The following LIN28B variants were observed in gnomAD, a reference collection of about 807,000 sequenced individuals.
LIN28B encodes the protein lin-28 RNA binding posttranscriptional regulator B.
A neutral mutation model predicts 21.9 loss-of-function variants in LIN28B; 5 were observed. The observed-to-expected ratio is 0.23, with a 90% CI of 0.12 to 0.48. The LOEUF (loss-of-function observed/expected upper bound fraction) is 0.48, where lower values mean the gene tolerates loss of function less well. LIN28B is among the 20% of genes least tolerant of loss of function. The pLI, the probability that LIN28B is intolerant of heterozygous loss-of-function variation, is 0.98. For missense variants in LIN28B, 245 were observed against 310.5 expected (o/e 0.79, Z 1.58); for synonymous variants, 109 against 111.3 (o/e 0.98, Z 0.13).
chr6:105,082,518 A>T lies in LIN28B; in HGVS notation c.*3735A>T, dbSNP rs768784257. On this transcript the variant is annotated 3_prime_UTR_variant, in exon 4 of 4. Transcript: ENST00000345080. ...TGTTTATCATAAAATATATATGTGT[A>T]TTTCCCCTTTGGTTATAAAATTTGG... 7 of 152,602 alleles carry T rather than the reference A, an allele frequency of 4.6e-5. No homozygotes were observed. The highest frequency in any genetic ancestry group is 8.8e-5 in the Non-Finnish European group (6 of 68,022). The allele number at this position is 152,602 out of a possible 1,614,324, so 9.5% of individuals were successfully genotyped here.
At chr6:105,020,107 C>CTTTTTTTTT (rs1158938023) in intron 2 of LIN28B, among the ~76,000 whole-genome samples, 309 of 87,462 alleles carry the variant, frequency 3.5e-3, no homozygotes, top group Non-Finnish European at 4.5e-3. Context: ...TCCTGTTATT[C>CTTTTTTTTT]TTTTTTTTTT....
Position 104,978,901 on chromosome 6 carries a change from A to G in LIN28B, c.198+20615A>G, listed in dbSNP as rs112700227. Among the ~76,000 whole-genome samples the G allele has an allele frequency of 3.7e-3, 562 of 152,300 alleles. 4 individuals carry two copies. Among genetic ancestry groups the G allele is most frequent in the African/African-American group, 0.013 (538 of 41,570 alleles). On this transcript the variant is annotated intron_variant, in intron 2 of 3. Coordinates refer to ENST00000345080, the MANE Select transcript of LIN28B (RefSeq NM_001004317.4). ...ATAAGGGGCTTAGACTTTTTAGTCTAAGCATGGCATTCTTCTGGCAACTAT... is the reference window on the plus strand; with the variant it reads ...ATAAGGGGCTTAGACTTTTTAGTCTGAGCATGGCATTCTTCTGGCAACTAT...
chr6:104,945,761 G>A (rs577458353), intron 2 of LIN28B, among the ~76,000 whole-genome samples: 1 of 152,186 alleles, frequency 6.6e-6, no homozygotes, highest in Non-Finnish European at 1.5e-5. Flanking sequence ...ACTGTGCTGT[G>A]GCTCAACTGT....
At chr6:105,048,413 C>T (rs1424797521) in intron 3 of LIN28B, among the ~76,000 whole-genome samples, 3 of 152,048 alleles carry the variant, frequency 2.0e-5, no homozygotes, top group Non-Finnish European at 2.9e-5. Context: ...CTGTTGGATT[C>T]GGTTTGCCAG....
intron 2 of LIN28B, among the ~76,000 whole-genome samples, chr6:104,950,190 T>A (rs1286672611): frequency 1.3e-5 from 2 of 152,194 alleles, no homozygotes; most frequent in Non-Finnish European, 2.9e-5. Context: ...GCATTGTTCG[T>A]GATATTGGGA....
At chr6:104,980,042 A>G (rs1398966196) in intron 2 of LIN28B, among the ~76,000 whole-genome samples, 1 of 152,166 alleles carries the variant, frequency 6.6e-6, no homozygotes. Flanking sequence ...TTTTGCATAC[A>G]AATTTATTAA....
chr6:105,045,284 G>GTTTTTTTTTTT (rs57205680), intron 3 of LIN28B, among the ~76,000 whole-genome samples: 1 of 116,848 alleles, frequency 8.6e-6, no homozygotes, highest in Admixed American at 8.7e-5. Context: ...ATGTCATTCT[G>GTTTTTTTTTTT]TTTTTTTTTT....
In LIN28B at chr6:105,023,113, T is replaced by C. The variant is rs139268754; in HGVS notation, c.199-3185T>C. 7.7e-5 allele frequency among the ~76,000 whole-genome samples: 11 copies of C among 142,632 alleles called. No homozygotes were observed. The East Asian group carries it at 2.1e-3, about 27-fold the overall frequency. The allele number at this position is 142,632 out of a possible 152,430, so 93.6% of individuals were successfully genotyped here. On this transcript the variant is annotated intron_variant, in intron 2 of 3. Coordinates refer to ENST00000345080, the MANE Select transcript of LIN28B (RefSeq NM_001004317.4). ...AATTCCTTACCTTTCAACAATCTTTTCCACCTATGTAGCAGCTATTTTGGT... is the reference window on the plus strand; with the variant it reads ...AATTCCTTACCTTTCAACAATCTTTCCCACCTATGTAGCAGCTATTTTGGT...
chr6:104,987,552 C>G (rs1343396077), intron 2 of LIN28B, among the ~76,000 whole-genome samples: 1 of 152,116 alleles, frequency 6.6e-6, no homozygotes, highest in African/African-American at 2.4e-5. Flanking sequence ...CATTGAACTC[C>G]TGGGCTCAAG....
intron 3 of LIN28B, among the ~76,000 whole-genome samples, chr6:105,052,431 G>A (rs1335528135): frequency 2.6e-5 from 4 of 152,098 alleles, no homozygotes. Flanking sequence ...GATGTGTCAT[G>A]GTGGGAGAGC....
At position 104,987,698 on chromosome 6, in the gene LIN28B, G is replaced by A. The variant is rs1190641; in HGVS notation, c.198+29412G>A. ...AAAATTGATCTGTGTATACAGTCAT[G>A]TCATTTTCAAATAATAATAATTTTA... On this transcript the variant is annotated intron_variant, in intron 2 of 3. Coordinates refer to ENST00000345080, the MANE Select transcript of LIN28B (RefSeq NM_001004317.4). 2.0e-3 allele frequency among the ~76,000 whole-genome samples: 300 copies of A among 152,168 alleles called. 1 individual carries two copies. The highest frequency in any genetic ancestry group is 6.9e-3 in the African/African-American group (286 of 41,512).
intron 2 of LIN28B, among the ~76,000 whole-genome samples, chr6:105,005,778 C>A (rs1271838293): frequency 1.3e-5 from 2 of 152,176 alleles, no homozygotes; most frequent in Non-Finnish European, 2.9e-5. Flanking sequence ...TCAGGTAGTT[C>A]TTTATAGCAG....
At chr6:104,953,384 A>T (rs1778244909), upstream of LIN28B, among the ~76,000 whole-genome samples, 1 of 152,116 alleles carries the variant, frequency 6.6e-6, no homozygotes, top group South Asian at 2.1e-4. Context: ...TAGCTTTAGG[A>T]GATTCTGGCA....
intron 2 of LIN28B, among the ~76,000 whole-genome samples, chr6:105,019,660 C>G (rs1771096198): frequency 6.6e-6 from 1 of 152,138 alleles, no homozygotes; most frequent in African/African-American, 2.4e-5. Flanking sequence ...AATCTTGGTT[C>G]CTACTTCTGC....
At chr6:104,991,900 A>G (rs1229832936) in intron 2 of LIN28B, among the ~76,000 whole-genome samples, 1 of 151,964 alleles carries the variant, frequency 6.6e-6, no homozygotes, top group African/African-American at 2.4e-5. Context: ...AATCGCAGGC[A>G]CTCGCAGGCT....
intron 3 of LIN28B, among the ~76,000 whole-genome samples, chr6:105,044,262 G>A (rs1207461474): frequency 6.6e-6 from 1 of 152,084 alleles, no homozygotes; most frequent in East Asian, 1.9e-4. Flanking sequence ...CTTCTAATAT[G>A]TATGTTTCAG....
At chr6:105,053,975 C>A (rs1196079083) in intron 3 of LIN28B, among the ~76,000 whole-genome samples, 1 of 152,162 alleles carries the variant, frequency 6.6e-6, no homozygotes, top group Non-Finnish European at 1.5e-5. Context: ...AACACCTGAT[C>A]TCAGGTGATC....
chr6:105,005,771 G>A (rs965115530), intron 2 of LIN28B, among the ~76,000 whole-genome samples: 1 of 152,158 alleles, frequency 6.6e-6, no homozygotes, highest in Admixed American at 6.6e-5. Context: ...CCCAGTCTCA[G>A]GTAGTTCTTT....
chr6:105,061,638 A>T (rs1772123190), intron 3 of LIN28B, among the ~76,000 whole-genome samples: 2 of 151,930 alleles, frequency 1.3e-5, no homozygotes, highest in Non-Finnish European at 2.9e-5. Flanking sequence ...ATTTTAAAAT[A>T]TGTATCTCAT....
Sources: gnomAD v4.1 joint callset for allele counts (sites outside exome capture counted in the v4.1 genomes callset) on GRCh38, gnomAD v4.1.1 for gene constraint, MANE v1.5 for transcripts, NCBI Gene and HGNC (gene_info 2026-07-23, HGNC 2026-07-21) for gene names.